SFT2D2: variants seen among roughly 807,000 people sequenced by gnomAD.
The protein encoded by SFT2D2 is SFT2 domain containing 2.
Under a neutral mutation model 27.4 loss-of-function variants are expected in SFT2D2, and 21 were observed. That is an observed-to-expected ratio of 0.77 (90% CI 0.54 to 1.10). The LOEUF is 1.10. Ranked by LOEUF, SFT2D2 falls within the 50% of genes least tolerant of loss-of-function variation. The pLI, the probability that SFT2D2 is intolerant of heterozygous loss-of-function variation, is 0.00. For missense variants in SFT2D2, 187 were observed against 194.2 expected (o/e 0.96, Z 0.22); for synonymous variants, 72 against 71.7 (o/e 1.00, Z -0.02).
chr1:168,230,924 A>G (rs1647254973), intron 1 of SFT2D2, among the ~76,000 whole-genome samples: 1 of 152,220 alleles, frequency 6.6e-6, no homozygotes, highest in South Asian at 2.1e-4. Context: ...GTAACAGGAC[A>G]GTAATTAATT....
At position 168,242,901 on chromosome 1, in the gene SFT2D2, A is replaced by G. The variant is rs1558178760; in HGVS notation, c.*361A>G. 4 of 307,850 alleles carry G rather than the reference A, an allele frequency of 1.3e-5. No individual in the cohort carries two copies. In the East Asian group the frequency reaches 3.0e-4, roughly 23 times the overall value. 19.1% of individuals were successfully genotyped at this position (307,850 alleles called of 1,614,324 possible). On this transcript the variant is annotated 3_prime_UTR_variant, in exon 8 of 8. Coordinates refer to ENST00000271375, the MANE Select transcript of SFT2D2 (RefSeq NM_199344.3). ...CCAGGTGGCAAAAGGCAGCCCCATC[A>G]GAGATCACGGGAGCAACAGTAAGGG...
chr1:168,236,628 A>G lies in SFT2D2; in HGVS notation c.354+4A>G, dbSNP rs1318595327. 1 of 1,613,384 alleles carries G rather than the reference A, an allele frequency of 6.2e-7. No homozygotes were observed. The highest frequency in any genetic ancestry group is 8.5e-7 in the Non-Finnish European group (1 of 1,179,896). On this transcript the variant is annotated splice_donor_region_variant and intron_variant, in intron 5 of 7. Transcript: ENST00000271375. ...TACCCTGTGTTCTGCCTTTTGGGTAAATGTATATTTTAATTTTTCTTAACC... is the reference window on the plus strand; with the variant it reads ...TACCCTGTGTTCTGCCTTTTGGGTAGATGTATATTTTAATTTTTCTTAACC...
At chr1:168,227,216 C>T (rs1700471759) in intron 1 of SFT2D2, among the ~76,000 whole-genome samples, 1 of 152,212 alleles carries the variant, frequency 6.6e-6, no homozygotes, top group Non-Finnish European at 1.5e-5. Context: ...GTGCTTTTAG[C>T]TTTTGTTTTC....
At chr1:168,242,268 G>A (rs566727501) in intron 7 of SFT2D2, among the ~76,000 whole-genome samples, 37 of 151,978 alleles carry the variant, frequency 2.4e-4, no homozygotes, top group Non-Finnish European at 4.7e-4. Context: ...TCAGACTGTC[G>A]GGTAAGTGGG....
At chr1:168,242,389 G>A in intron 7 of SFT2D2, 112 bp from the exon 8 acceptor site, 1 of 1,129,008 alleles carries the variant, frequency 8.9e-7, no homozygotes, top group Non-Finnish European at 1.4e-6. Context: ...GTGAAGGTCT[G>A]ATCTTTCAGT....
At chr1:168,234,366 C>T (rs1274827643) in intron 3 of SFT2D2, among the ~76,000 whole-genome samples, 2 of 151,364 alleles carry the variant, frequency 1.3e-5, no homozygotes, top group Non-Finnish European at 1.5e-5. Context: ...TGCACTCCAG[C>T]CTGGCGACAG....
Position 168,246,797 on chromosome 1 carries a change from A to C in SFT2D2, c.*4257A>C. 1.5e-6 allele frequency: 1 copy of C among 686,148 alleles called. No individual in the cohort carries two copies. 42.5% of individuals were successfully genotyped at this position (686,148 alleles called of 1,614,324 possible). The stretch of plus-strand genomic sequence containing the variant: ...CATCTGTCAGAGCAGTAAGCTGTCC[A>C]CTATAATGGGCTATCGTTTTTGTTG... On this transcript the variant is annotated 3_prime_UTR_variant, in exon 8 of 8. Coordinates refer to ENST00000271375, the MANE Select transcript of SFT2D2 (RefSeq NM_199344.3).
At chr1:168,238,438 T>C (rs1647562046) in intron 6 of SFT2D2, among the ~76,000 whole-genome samples, 1 of 151,916 alleles carries the variant, frequency 6.6e-6, no homozygotes, top group Non-Finnish European at 1.5e-5. Context: ...GGAGGATTGC[T>C]TGAAGCCAGG....
chr1:168,241,670 T>C (rs1304748400), intron 7 of SFT2D2, among the ~76,000 whole-genome samples: 1 of 152,186 alleles, frequency 6.6e-6, no homozygotes, highest in Non-Finnish European at 1.5e-5. Flanking sequence ...CTATGTGTAT[T>C]GTGAGCTGCC....
intron 7 of SFT2D2, 116 bp from the exon 8 acceptor site, chr1:168,242,385 G>A: frequency 9.4e-7 from 1 of 1,062,858 alleles, no homozygotes; most frequent in Non-Finnish European, 1.5e-6. Flanking sequence ...TGCTGTGAAG[G>A]TCTGATCTTT....
intron 4 of SFT2D2, 57 bp from the exon 5 acceptor site, chr1:168,236,532 G>GTT: frequency 1.9e-5 from 26 of 1,370,240 alleles, no homozygotes; most frequent in South Asian, 4.0e-5. Context: ...CAAGTTTTGA[G>GTT]TTTTTTTTTT....
rs1647866299 is a variant in SFT2D2 at position 168,248,016 on chromosome 1, G to T, written c.*5476G>T. 1 of 152,188 alleles carries T rather than the reference G, an allele frequency of 6.6e-6. No individual in the cohort carries two copies. The highest frequency in any genetic ancestry group is 2.4e-5 in the African/African-American group (1 of 41,448). The allele number at this position is 152,188 out of a possible 1,614,324, so 9.4% of individuals were successfully genotyped here. A position where few individuals can be genotyped will look rare whatever the true frequency, so the allele number is the denominator to read the frequency against. Reference sequence around the variant, plus strand: ...TATCCTTCGCCCACTTTTCGATGGGGTTGTTTTGCTCTTATAAATTTGTTT... The same window carrying T: ...TATCCTTCGCCCACTTTTCGATGGGTTTGTTTTGCTCTTATAAATTTGTTT... On this transcript the variant is annotated 3_prime_UTR_variant, in exon 8 of 8. Coordinates refer to ENST00000271375, the MANE Select transcript of SFT2D2 (RefSeq NM_199344.3).
chr1:168,246,871 T>C lies in SFT2D2; in HGVS notation c.*4331T>C. The C allele has an allele frequency of 1.6e-6, 1 of 619,996 alleles. No homozygotes were observed. Among genetic ancestry groups the C allele is most frequent in the Non-Finnish European group, 2.9e-6 (1 of 348,290 alleles). 38.4% of individuals were successfully genotyped at this position (619,996 alleles called of 1,614,324 possible). ...GCCTTTTGAAGGTCTTCATGCTTTCTTTTTATAATTTCAATGTCTTTTAAG... is the reference window on the plus strand; with the variant it reads ...GCCTTTTGAAGGTCTTCATGCTTTCCTTTTATAATTTCAATGTCTTTTAAG... On this transcript the variant is annotated 3_prime_UTR_variant, in exon 8 of 8. Coordinates refer to ENST00000271375, the MANE Select transcript of SFT2D2 (RefSeq NM_199344.3).
At chr1:168,235,836 A>G (rs1647477900) in intron 4 of SFT2D2, among the ~76,000 whole-genome samples, 1 of 152,178 alleles carries the variant, frequency 6.6e-6, no homozygotes, top group African/African-American at 2.4e-5. Flanking sequence ...AACATTTGGA[A>G]CTTGAAGAAC....
Position 168,250,956 on chromosome 1 carries a change from A to C in SFT2D2, c.*8416A>C, listed in dbSNP as rs1647936955. The C allele has an allele frequency of 6.6e-6, 1 of 152,076 alleles. No homozygotes were observed. The highest frequency in any genetic ancestry group is 1.5e-5 in the Non-Finnish European group (1 of 68,046). The allele number at this position is 152,076 out of a possible 1,614,324, so 9.4% of individuals were successfully genotyped here. A position where few individuals can be genotyped will look rare whatever the true frequency, so the allele number is the denominator to read the frequency against. On this transcript the variant is annotated 3_prime_UTR_variant, in exon 8 of 8. Transcript: ENST00000271375. Reference sequence around the variant, plus strand: ...CTGAGTGCCACTTCCCTTCCACCCTAATCACTGCAGGCTCAGGGAGCAAGA... The same window carrying C: ...CTGAGTGCCACTTCCCTTCCACCCTCATCACTGCAGGCTCAGGGAGCAAGA...
chr1:168,246,585 A>G lies in SFT2D2; in HGVS notation c.*4045A>G. On this transcript the variant is annotated 3_prime_UTR_variant, in exon 8 of 8. Coordinates refer to ENST00000271375, the MANE Select transcript of SFT2D2 (RefSeq NM_199344.3). ...AAAGAATCAGAACATGAGAATTCAA[A>G]TTTTCCTGTAAATGACGCAATTTAT... 6.6e-7 allele frequency: 1 copy of G among 1,510,344 alleles called. No homozygotes were observed. The highest frequency in any genetic ancestry group is 1.1e-5 in the South Asian group (1 of 89,562). 93.6% of individuals were successfully genotyped at this position (1,510,344 alleles called of 1,614,324 possible). A position where few individuals can be genotyped will look rare whatever the true frequency, so the allele number is the denominator to read the frequency against.
At chr1:168,238,713 T>TA (rs1647570086) in intron 6 of SFT2D2, among the ~76,000 whole-genome samples, 1 of 151,418 alleles carries the variant, frequency 6.6e-6, no homozygotes, top group African/African-American at 2.4e-5. Flanking sequence ...AAAAAATAAA[T>TA]AAATAAATAA....
At chr1:168,233,594 A>ACCC (rs1647390566) in intron 3 of SFT2D2, among the ~76,000 whole-genome samples, 1 of 152,114 alleles carries the variant, frequency 6.6e-6, no homozygotes, top group East Asian at 1.9e-4. Context: ...GCTGACCCTT[A>ACCC]GAGATGTCTC....
In SFT2D2 at chr1:168,239,161, GT is replaced by G; in HGVS notation, c.443+2del. On this transcript the variant is annotated splice_donor_variant, in intron 7 of 7. Transcript: ENST00000271375. LOFTEE classifies it high-confidence loss of function. ...GCCTTTCCTTCATACCATTTGCAAG[GT>G]AAGACTGTGTATTTGGAAATAATGA... 1 of 1,599,146 alleles carries G rather than the reference GT, an allele frequency of 6.3e-7. No homozygotes were observed. The highest frequency in any genetic ancestry group is 8.6e-7 in the Non-Finnish European group (1 of 1,166,512).
Sources: allele counts gnomAD v4.1 joint callset (sites outside exome capture counted in the v4.1 genomes callset), GRCh38; gene constraint gnomAD v4.1.1; transcripts MANE v1.5; gene names NCBI Gene and HGNC (gene_info 2026-07-23, HGNC 2026-07-21).